The following INTS8 variants were observed in gnomAD, a reference collection of about 807,000 sequenced individuals.
The protein encoded by INTS8 is integrator complex subunit 8, also known as protein kaonashi-1.
INTS8 carries 47 observed loss-of-function variants against 138.9 expected under a neutral mutation model. The ratio of observed to expected loss-of-function variants is 0.34; its 90% CI spans 0.27 to 0.43. INTS8 has a LOEUF of 0.43. Among genes scored for constraint, INTS8 ranks in the 20% least tolerant of loss-of-function variants. The pLI, the probability that INTS8 is intolerant of heterozygous loss-of-function variation, is 1.00. For synonymous variants in INTS8, 392 were observed against 400.9 expected (o/e 0.98, Z 0.27); for missense variants, 996 against 1,173.0 (o/e 0.85, Z 2.20).
At chr8:94,861,721 T>C (rs1815992149) in intron 16 of INTS8, among the ~76,000 whole-genome samples, 1 of 150,898 alleles carries the variant, frequency 6.6e-6, no homozygotes, top group African/African-American at 2.4e-5. Flanking sequence ...CCTGGCTAAT[T>C]TTGTATTTTT....
At position 94,858,720 on chromosome 8, in the gene INTS8, A is replaced by G. The variant is rs1282069022; in HGVS notation, c.1955-791A>G. 2.0e-5 allele frequency among the ~76,000 whole-genome samples: 3 copies of G among 152,338 alleles called. No homozygotes were observed. The East Asian group carries it at 5.8e-4, about 29-fold the overall frequency. On this transcript the variant is annotated intron_variant, in intron 15 of 26. Coordinates refer to ENST00000523731, the MANE Select transcript of INTS8 (RefSeq NM_017864.4). The stretch of plus-strand genomic sequence containing the variant: ...GGAATTTGCCCACAGTCACACAGGA[A>G]GAGACAGAACTATGACTGTACTCCA...
Position 94,871,923 on chromosome 8 carries a change from G to A in INTS8, c.2454G>A (p.Val818=). 1.2e-6 allele frequency: 2 copies of A among 1,608,854 alleles called. No individual in the cohort carries two copies. Among genetic ancestry groups the A allele is most frequent in the Non-Finnish European group, 1.7e-6 (2 of 1,175,854 alleles). ...SVDFEAVAIT[V]KELVRYTLSI... The stretch of plus-strand genomic sequence containing the variant: ...ACTTTGAAGCTGTGGCAATCACAGT[G>A]AAAGAGCTAGTTCGATATACACTCA... The change falls in exon 21 of 27, where the codon GTG becomes GTA. Residue 818 remains valine, a synonymous_variant. Transcript: ENST00000523731.
At chr8:94,857,021 C>A in intron 15 of INTS8, 43 bp downstream of exon 15, 15 of 1,278,326 alleles carry the variant, frequency 1.2e-5, no homozygotes, top group East Asian at 2.4e-5. Flanking sequence ...ACTCAGTACT[C>A]ACATAATTGT....
At chr8:94,862,609 T>C (rs1816032792) in intron 16 of INTS8, among the ~76,000 whole-genome samples, 1 of 152,158 alleles carries the variant, frequency 6.6e-6, no homozygotes, top group Admixed American at 6.6e-5. Context: ...GTTCCCCTGA[T>C]CTGGTCCAAA....
chr8:94,845,465 C>A (rs1403950957), intron 10 of INTS8, among the ~76,000 whole-genome samples: 3 of 152,030 alleles, frequency 2.0e-5, no homozygotes, highest in Non-Finnish European at 4.4e-5. Context: ...ACCTTGTTTT[C>A]AAGGTTGTAT....
In INTS8 at chr8:94,832,164, T is replaced by C. The variant is rs1814742858; in HGVS notation, c.743T>C (p.Met248Thr). 1.2e-6 allele frequency: 2 copies of C among 1,612,042 alleles called. No individual in the cohort carries two copies. The highest frequency in any genetic ancestry group is 1.7e-6 in the Non-Finnish European group (2 of 1,179,504). The change falls in exon 6 of 27, where the codon ATG becomes ACG. Residue 248 changes from methionine (M) to threonine (T), a missense_variant. By Grantham distance (81) the Met-to-Thr change is moderately conservative (BLOSUM62 -1). Coordinates refer to ENST00000523731, the MANE Select transcript of INTS8 (RefSeq NM_017864.4). ...GGATTGAAAGTCAAAACCGAAGAAATGCAGTGCCAGGTATTCATTTGATAC... is the reference window on the plus strand; with the variant it reads ...GGATTGAAAGTCAAAACCGAAGAAACGCAGTGCCAGGTATTCATTTGATAC... ...TAGLKVKTEE[M>T]QCQVCYDLGA...
chr8:94,878,960 G>C (rs1267438069), intron 26 of INTS8, among the ~76,000 whole-genome samples: 1 of 152,050 alleles, frequency 6.6e-6, no homozygotes, highest in Non-Finnish European at 1.5e-5. Flanking sequence ...CAAGAAGTTA[G>C]TCCTTGGGTT....
In INTS8 at chr8:94,849,957, T is replaced by G. The variant is rs1815470540; in HGVS notation, c.1373T>G (p.Met458Arg). ...LGLEDLQYVF[M>R]ISSHELFITL... The stretch of plus-strand genomic sequence containing the variant: ...TTGGAAGATCTGCAGTATGTTTTCA[T>G]GATTTCTTCACATGAGCTTTTCATT... The change falls in exon 12 of 27, where the codon ATG becomes AGG. Residue 458 changes from methionine (M) to arginine (R), a missense_variant. Met to Arg is a moderately conservative substitution (Grantham distance 91). Transcript: ENST00000523731. The G allele has an allele frequency of 1.2e-6, 2 of 1,613,028 alleles. No individual in the cohort carries two copies. The highest frequency in any genetic ancestry group is 1.1e-5 in the South Asian group (1 of 90,862).
intron 12 of INTS8, 53 bp downstream of exon 12, chr8:94,850,144 CAAATTAACCTTG>C: frequency 8.3e-7 from 1 of 1,200,488 alleles, no homozygotes; most frequent in Non-Finnish European, 1.2e-6. Context: ...CCCCTCTATT[CAAATTAACCTTG>C]AAATATATTT....
intron 18 of INTS8, 124 bp from the exon 19 acceptor site, chr8:94,867,016 A>G (rs1816202176): frequency 1.3e-6 from 1 of 758,186 alleles, no homozygotes; most frequent in Non-Finnish European, 2.1e-6. Flanking sequence ...ACATGCTAAA[A>G]CAGATGCTAC....
chr8:94,867,120 CT>C lies in INTS8; in HGVS notation c.2296-19del. The C allele has an allele frequency of 6.4e-7, 1 of 1,569,920 alleles. No homozygotes were observed. ...AATATACATACACTGTTTAAGGATTCTGTGTTTTCTTTCTCATAGGAACCAC... is the reference window on the plus strand; with the variant it reads ...AATATACATACACTGTTTAAGGATTCGTGTTTTCTTTCTCATAGGAACCAC... On this transcript the variant is annotated intron_variant, in intron 18 of 26. Transcript: ENST00000523731.
chr8:94,833,998 C>G (rs117484372), intron 6 of INTS8, among the ~76,000 whole-genome samples: 1 of 152,068 alleles, frequency 6.6e-6, no homozygotes, highest in Non-Finnish European at 1.5e-5. Flanking sequence ...TCTCAAACTC[C>G]CGACTTCCAG....
At chr8:94,862,876 T>C (rs1352722385) in intron 16 of INTS8, among the ~76,000 whole-genome samples, 4 of 141,930 alleles carry the variant, frequency 2.8e-5, no homozygotes, top group Non-Finnish European at 6.4e-5. Flanking sequence ...CGCACACACG[T>C]GTAGGAAAAA....
chr8:94,850,693 A>G (rs1229450268), intron 12 of INTS8, among the ~76,000 whole-genome samples: 1 of 152,104 alleles, frequency 6.6e-6, no homozygotes, highest in East Asian at 1.9e-4. Context: ...GGAGGTAAAA[A>G]CAGAAAGCAG....
intron 9 of INTS8, among the ~76,000 whole-genome samples, chr8:94,842,138 T>C (rs1026893092): frequency 6.6e-6 from 1 of 152,024 alleles, no homozygotes; most frequent in African/African-American, 2.4e-5. Context: ...TGTTGTCTAA[T>C]ATGTAACTAC....
At chr8:94,867,678 C>T (rs773652128) in intron 20 of INTS8, 15 of 178,640 alleles carry the variant, frequency 8.4e-5, no homozygotes, top group Non-Finnish European at 1.6e-4. Flanking sequence ...CACCCACCAC[C>T]ACGCCTGGCT....
chr8:94,842,284 A>G, intron 9 of INTS8, 63 bp from the exon 10 acceptor site: 9 of 1,129,216 alleles, frequency 8.0e-6, no homozygotes, highest in Non-Finnish European at 1.1e-5. Flanking sequence ...ATATAGTTGT[A>G]TAATATACAC....
At chr8:94,849,149 C>G (rs1289926918) in intron 10 of INTS8, among the ~76,000 whole-genome samples, 1 of 151,916 alleles carries the variant, frequency 6.6e-6, no homozygotes, top group East Asian at 1.9e-4. Flanking sequence ...CTACTGATTT[C>G]TATGGTTTAT....
At chr8:94,870,350 C>T (rs1816353919) in intron 20 of INTS8, among the ~76,000 whole-genome samples, 1 of 152,118 alleles carries the variant, frequency 6.6e-6, no homozygotes, top group Admixed American at 6.6e-5. Flanking sequence ...CGCACCTGGC[C>T]TGAAATAATA....
Sources: allele counts gnomAD v4.1 joint callset (sites outside exome capture counted in the v4.1 genomes callset), GRCh38; gene constraint gnomAD v4.1.1; transcripts MANE v1.5; gene names NCBI Gene and HGNC (gene_info 2026-07-23, HGNC 2026-07-21).